ATP7B: variants seen among roughly 807,000 people sequenced by gnomAD.
ATP7B encodes the protein ATPase copper transporting beta, also known as copper-transporting ATPase 2.
A neutral mutation model predicts 118.9 loss-of-function variants in ATP7B; 113 were observed. That is an observed-to-expected ratio of 0.95 (90% CI 0.82 to 1.11). The LOEUF is 1.11. Ranked by LOEUF, ATP7B falls within the 50% of genes most tolerant of loss-of-function variation. The probability of loss-of-function intolerance (pLI) is 0.00; values close to 1 mark genes in which losing one functional copy is unlikely to be tolerated. For synonymous variants in ATP7B, 777 were observed against 727.4 expected, an observed-to-expected ratio of 1.07 and a Z score of -1.10; for missense variants, 1,867 against 1,871.4, an observed-to-expected ratio of 1.00 and a Z score of 0.04.
chr13:51,976,967 G>C (rs2140150951), intron 1 of ATP7B, among the ~76,000 whole-genome samples: 1 of 152,158 alleles, frequency 6.6e-6, no homozygotes, highest in South Asian at 2.1e-4. Flanking sequence ...TGTAAACTTA[G>C]GCTACACTAA....
intron 1 of ATP7B, among the ~76,000 whole-genome samples, chr13:51,985,232 G>A (rs1438203554): frequency 6.6e-6 from 1 of 152,116 alleles, no homozygotes; most frequent in African/African-American, 2.4e-5. Flanking sequence ...GATTTACCAA[G>A]CAAATGGAAA....
intron 19 of ATP7B, among the ~76,000 whole-genome samples, 191 bp downstream of exon 19, chr13:51,937,085 G>T (rs1331378218): frequency 6.6e-6 from 1 of 151,350 alleles, no homozygotes; most frequent in Non-Finnish European, 1.5e-5. Context: ...GTGAATGAAG[G>T]TTTCAGGTCC....
rs900373974 is a variant in ATP7B, at chr13:51,934,706, T to C, written c.*50A>G. The C allele has an allele frequency of 2.1e-5, 34 of 1,608,252 alleles. No homozygotes were observed. Among genetic ancestry groups the C allele is most frequent in the Admixed American group, 1.2e-4 (7 of 60,002 alleles). On this transcript the variant is annotated 3_prime_UTR_variant, in exon 21 of 21. Transcript: ENST00000242839. ...CCTGCTGCTGGCTGTCCTGCTCAGC[T>C]TGTGGTGAGTGGAGGCAAGTCCCTG...
Position 51,944,147 on chromosome 13 carries a change from G to A in ATP7B, c.3205C>T (p.His1069Tyr), listed in dbSNP as rs1001437239. 1.2e-6 allele frequency: 2 copies of A among 1,614,160 alleles called. No individual in the cohort carries two copies. Among genetic ancestry groups the A allele is most frequent in the African/African-American group, 1.3e-5 (1 of 75,050 alleles). Residue 1069 changes from histidine to tyrosine, a missense_variant, in exon 14 of 21, where the codon CAC becomes TAC. Coordinates refer to ENST00000242839, the MANE Select transcript of ATP7B (RefSeq NM_000053.4). Reference sequence around the variant, plus strand: ...TTGGTGACTGCCACGCCCAAGGGGTGTTCACTGCTGGCCTCCGCAGTCCCC... The same window carrying A: ...TTGGTGACTGCCACGCCCAAGGGGTATTCACTGCTGGCCTCCGCAGTCCCC... ...VVGTAEASSE[H>Y]PLGVAVTKYC...
intron 7 of ATP7B, 179 bp from the exon 8 acceptor site, chr13:51,958,723 C>T: frequency 3.1e-6 from 2 of 648,056 alleles, no homozygotes; most frequent in South Asian, 1.7e-5. Flanking sequence ...GACTACTGTC[C>T]ACAGGAATGG....
At chr13:51,980,448 C>A (rs139310090) in intron 1 of ATP7B, among the ~76,000 whole-genome samples, 1 of 151,984 alleles carries the variant, frequency 6.6e-6, no homozygotes, top group African/African-American at 2.4e-5. Context: ...CCAAGTCACA[C>A]GAAATTTGCT....
At chr13:51,955,849 T>A (rs191756448) in intron 9 of ATP7B, among the ~76,000 whole-genome samples, 1 of 151,804 alleles carries the variant, frequency 6.6e-6, no homozygotes, top group African/African-American at 2.4e-5. Context: ...GAGCCCAGCA[T>A]GCCAGGTGCC....
intron 4 of ATP7B, among the ~76,000 whole-genome samples, chr13:51,966,016 C>G (rs1192275796): frequency 6.6e-6 from 1 of 152,200 alleles, no homozygotes; most frequent in African/African-American, 2.4e-5. Flanking sequence ...ACTGCAAGGA[C>G]CACCAGGAAA....
At chr13:51,944,431 T>C in intron 13 of ATP7B, 140 bp from the exon 14 acceptor site, 3 of 1,093,130 alleles carry the variant, frequency 2.7e-6, no homozygotes, top group Non-Finnish European at 4.0e-6. Context: ...TGATCCTCTG[T>C]CGTTCAATCT....
chr13:51,985,197 G>A (rs1163209818), intron 1 of ATP7B, among the ~76,000 whole-genome samples: 2 of 152,194 alleles, frequency 1.3e-5, no homozygotes, highest in Non-Finnish European at 2.9e-5. Context: ...CACACACATA[G>A]GCTCGAAATA....
intron 1 of ATP7B, among the ~76,000 whole-genome samples, chr13:51,975,867 G>T (rs1161711594): frequency 6.6e-6 from 1 of 152,210 alleles, no homozygotes; most frequent in African/African-American, 2.4e-5. Flanking sequence ...GGAGGGGAAA[G>T]GCTGGAAGAA....
rs1330213578 is a variant in ATP7B, at chr13:51,946,190, C to T, written c.3060+94G>A. On this transcript the variant is annotated intron_variant, in intron 13 of 20. Coordinates refer to ENST00000242839, the MANE Select transcript of ATP7B (RefSeq NM_000053.4). ...TATTCTATGTAATTAACACTGCTGTCTTGAGTGGCTCTCAGGCTTTTCTCT... is the reference window on the plus strand; with the variant it reads ...TATTCTATGTAATTAACACTGCTGTTTTGAGTGGCTCTCAGGCTTTTCTCT... 3 of 1,482,830 alleles carry T rather than the reference C, an allele frequency of 2.0e-6. No homozygotes were observed. In the Admixed American group the frequency reaches 6.0e-5, roughly 29 times the overall value. The allele number at this position is 1,482,830 out of a possible 1,614,324, so 91.9% of individuals were successfully genotyped here. A position where few individuals can be genotyped will look rare whatever the true frequency, so the allele number is the denominator to read the frequency against.
chr13:51,964,147 G>A (rs1474234431), intron 5 of ATP7B, among the ~76,000 whole-genome samples: 1 of 150,222 alleles, frequency 6.7e-6, no homozygotes, highest in Admixed American at 6.6e-5. Context: ...ACAATGAAGA[G>A]GAAATTCAGG....
At chr13:51,998,081 T>A (rs1339564441) in intron 1 of ATP7B, among the ~76,000 whole-genome samples, 1 of 152,122 alleles carries the variant, frequency 6.6e-6, no homozygotes, top group African/African-American at 2.4e-5. Flanking sequence ...CCCGGCACCA[T>A]CTAATCCTTC....
chr13:51,979,765 A>T (rs1433963973), intron 1 of ATP7B, among the ~76,000 whole-genome samples: 3 of 152,198 alleles, frequency 2.0e-5, no homozygotes, highest in Non-Finnish European at 1.5e-5. Flanking sequence ...CTACAACTTT[A>T]CAAACCCCAA....
At chr13:52,010,279 T>C (rs1444642225) in intron 1 of ATP7B, among the ~76,000 whole-genome samples, 1 of 152,182 alleles carries the variant, frequency 6.6e-6, no homozygotes, top group Non-Finnish European at 1.5e-5. Context: ...CCTAGATGAA[T>C]TCACTACTAA....
intron 16 of ATP7B, among the ~76,000 whole-genome samples, chr13:51,940,124 T>C (rs1452464584): frequency 6.8e-6 from 1 of 147,636 alleles, no homozygotes; most frequent in Non-Finnish European, 1.5e-5. Context: ...GCAATTCTCC[T>C]GCCTCAGCCT....
intron 1 of ATP7B, among the ~76,000 whole-genome samples, chr13:51,992,189 G>C (rs1267845683): frequency 6.6e-6 from 1 of 151,416 alleles, no homozygotes; most frequent in Non-Finnish European, 1.5e-5. Flanking sequence ...GGCATAAACA[G>C]CAATTTTTAA....
chr13:51,941,026 T>G, intron 16 of ATP7B, 55 bp downstream of exon 16: 2 of 1,611,072 alleles, frequency 1.2e-6, no homozygotes, highest in South Asian at 2.2e-5. Context: ...TTGCCTGATA[T>G]CTGCAGAAAA....
Sources: gnomAD v4.1 joint callset for allele counts (sites outside exome capture counted in the v4.1 genomes callset) on GRCh38, gnomAD v4.1.1 for gene constraint, MANE v1.5 for transcripts, NCBI Gene and HGNC (gene_info 2026-07-23, HGNC 2026-07-21) for gene names.